PSD4: variants seen among roughly 807,000 people sequenced by gnomAD.
The protein encoded by PSD4 is PH and SEC7 domain-containing protein 4.
In PSD4, 59 loss-of-function variants were observed where a neutral mutation model predicts 112.5. The observed-to-expected ratio is 0.52, with a 90% CI of 0.43 to 0.65. The LOEUF (loss-of-function observed/expected upper bound fraction) is 0.65. Among genes scored for constraint, PSD4 ranks in the 30% least tolerant of loss-of-function variants. PSD4 has a pLI of 0.00. For missense variants in PSD4, 1,267 were observed against 1,352.6 expected (o/e 0.94, Z 0.99); for synonymous variants, 533 against 540.0 (o/e 0.99, Z 0.18).
intron 12 of PSD4, chr2:113,197,121 T>TA (rs1202722238): frequency 3.9e-6 from 1 of 255,100 alleles, no homozygotes; most frequent in African/African-American, 2.3e-5. Context: ...CAGAGTGGGG[T>TA]ACACAGGGAA....
chr2:113,199,116 G>T lies in PSD4; in HGVS notation c.2803G>T (p.Asp935Tyr), dbSNP rs1414133155. The change falls in exon 16 of 17, where the codon GAC becomes TAC. Residue 935 changes from aspartate to tyrosine, a missense_variant. Coordinates refer to ENST00000245796, the MANE Select transcript of PSD4 (RefSeq NM_012455.3). ...GCATCGATCCCACGAGAACTGCCTG[G>T]ACGCTGCCGCGGACGACCTGCTGGA... ...EQHRSHENCLDAAADDLLDLQ... is the reference protein window; with the variant it reads ...EQHRSHENCLYAAADDLLDLQ... 6.5e-7 allele frequency: 1 copy of T among 1,531,770 alleles called. No individual in the cohort carries two copies. Among genetic ancestry groups the T allele is most frequent in the Non-Finnish European group, 8.8e-7 (1 of 1,141,238 alleles). The allele number at this position is 1,531,770 out of a possible 1,614,324, so 94.9% of individuals were successfully genotyped here.
Position 113,207,392 on chromosome 2 carries a change from AG to A in PSD4, c.*5978del, listed in dbSNP as rs1299130488. ...CCTTTCCTCCAAGAGGCCTTCCCTA[AG>A]TCTTCCTCCTTCAGTTTCTATTACA... On this transcript the variant is annotated 3_prime_UTR_variant, in exon 17 of 17. Coordinates refer to ENST00000245796, the MANE Select transcript of PSD4 (RefSeq NM_012455.3). 1 of 151,062 alleles carries A rather than the reference AG, an allele frequency of 6.6e-6. No individual in the cohort carries two copies. The highest frequency in any genetic ancestry group is 1.5e-5 in the Non-Finnish European group (1 of 67,924). 9.4% of individuals were successfully genotyped at this position (151,062 alleles called of 1,614,324 possible).
intron 16 of PSD4, among the ~76,000 whole-genome samples, chr2:113,200,185 A>T (rs959833330): frequency 6.6e-6 from 1 of 152,018 alleles, no homozygotes; most frequent in South Asian, 2.1e-4. Flanking sequence ...AGTCTCCCCC[A>T]ACCCTCACCC....
rs4849167 is a variant in PSD4, at chr2:113,183,262, G to T, written c.806G>T (p.Gly269Val). 1.3e-5 allele frequency: 21 copies of T among 1,613,846 alleles called. No homozygotes were observed. In the East Asian group the frequency reaches 4.0e-4, roughly 31 times the overall value. ...NSASGECFSW[G>V]ASDSHAGVRT... Reference sequence around the variant, plus strand: ...GCTTCTGGAGAGTGCTTTTCCTGGGGGGCTTCAGACTCCCATGCAGGTGTG... The same window carrying T: ...GCTTCTGGAGAGTGCTTTTCCTGGGTGGCTTCAGACTCCCATGCAGGTGTG... The change falls in exon 2 of 17, where the codon GGG (glycine) becomes GTG (valine). Residue 269 changes from glycine to valine, a missense_variant. Around this residue, in one of 2 missense-constraint regions of PSD4, gnomAD observed 723 missense variants for 704.0 expected, o/e 1.03. Coordinates refer to ENST00000245796, the MANE Select transcript of PSD4 (RefSeq NM_012455.3).
At chr2:113,175,781 A>G (rs1408676611) in intron 1 of PSD4, among the ~76,000 whole-genome samples, 1 of 152,202 alleles carries the variant, frequency 6.6e-6, no homozygotes, top group East Asian at 1.9e-4. Context: ...CAGGAGGGCT[A>G]TTTGTTTGTT....
rs1432499411 is a variant in PSD4, at chr2:113,198,514, C to T, written c.2625-226C>T. On this transcript the variant is annotated intron_variant, in intron 14 of 16. Transcript: ENST00000245796. ...CTCGAACTCCTGACCTCAGGTGATC[C>T]GCCTGCCAAGGCGTTGCCACCGCAC... 4 of 451,006 alleles carry T rather than the reference C, an allele frequency of 8.9e-6. No homozygotes were observed. In the East Asian group the frequency reaches 1.4e-4, roughly 16 times the overall value. 27.9% of individuals were successfully genotyped at this position (451,006 alleles called of 1,614,324 possible).
chr2:113,183,794 C>T (rs191370885), intron 2 of PSD4, among the ~76,000 whole-genome samples: 42 of 152,316 alleles, frequency 2.8e-4, no homozygotes, highest in Admixed American at 4.6e-4. Flanking sequence ...TGCCTAGATA[C>T]GTTTGGAGAA....
Position 113,197,605 on chromosome 2 carries a change from C to T in PSD4, c.2428C>T (p.Leu810=), listed in dbSNP as rs1338812509. The stretch of plus-strand genomic sequence containing the variant: ...TGGCTGGAAGATGTTCCACACCTTA[C>T]TGCGAGGGATGGTTCTCTACTTCCT... ...KRGWKMFHTL[L]RGMVLYFLKQ... Residue 810 remains leucine (L), a synonymous_variant, in exon 13 of 17, where the codon CTG becomes TTG. Coordinates refer to ENST00000245796, the MANE Select transcript of PSD4 (RefSeq NM_012455.3). 6.2e-7 allele frequency: 1 copy of T among 1,614,218 alleles called. No homozygotes were observed. Among genetic ancestry groups the T allele is most frequent in the Admixed American group, 1.7e-5 (1 of 60,026 alleles).
At position 113,205,193 on chromosome 2, in the gene PSD4, C is replaced by T. The variant is rs932260979; in HGVS notation, c.*3778C>T. 6 of 150,970 alleles carry T rather than the reference C, an allele frequency of 4.0e-5. No individual in the cohort carries two copies. Among genetic ancestry groups the T allele is most frequent in the Admixed American group, 2.0e-4 (3 of 15,084 alleles). 9.4% of individuals were successfully genotyped at this position (150,970 alleles called of 1,614,324 possible). Reference sequence around the variant, plus strand: ...ATGTTGGTCAGGCTGGTCTCAAACTCCTGACCTCAAGTGATCCAGCTGCCT... The same window carrying T: ...ATGTTGGTCAGGCTGGTCTCAAACTTCTGACCTCAAGTGATCCAGCTGCCT... On this transcript the variant is annotated 3_prime_UTR_variant, in exon 17 of 17. Coordinates refer to ENST00000245796, the MANE Select transcript of PSD4 (RefSeq NM_012455.3).
rs561114701 is a variant in PSD4, at chr2:113,190,810, A to G, written c.1629-1570A>G. Among the ~76,000 whole-genome samples, 27 of 152,346 alleles carry G rather than the reference A, an allele frequency of 1.8e-4. 2 individuals carry two copies. The highest frequency in any genetic ancestry group is 6.5e-4 in the African/African-American group (27 of 41,580). On this transcript the variant is annotated intron_variant, in intron 5 of 16. Transcript: ENST00000245796. ...TACTGTGAAAATCAAGGATGAATGC[A>G]AGATGTCTTATCCAGCCAGAAAACT...
intron 2 of PSD4, among the ~76,000 whole-genome samples, chr2:113,184,469 G>C (rs1688235687): frequency 6.6e-6 from 1 of 150,938 alleles, no homozygotes; most frequent in African/African-American, 2.4e-5. Flanking sequence ...CACCTCCCAG[G>C]TTCAAGCGAT....
chr2:113,181,202 C>A (rs1487524280), intron 1 of PSD4, among the ~76,000 whole-genome samples: 1 of 148,862 alleles, frequency 6.7e-6, no homozygotes, highest in African/African-American at 2.5e-5. Context: ...CACTCCAACC[C>A]GGGTGACAGA....
rs1688768334 is a variant in PSD4 at position 113,201,197 on chromosome 2, C to T, written c.2953C>T (p.Arg985Cys). ...GACCTACGTGCAGCTGCTGGTGGCC[C>T]GCCTGCACTGCCCCTCTGATGCTCT... ...YETYVQLLVA[R>C]LHCPSDALDL... Residue 985 changes from arginine to cysteine, a missense_variant, in exon 17 of 17, where the codon CGC becomes TGC. Arg to Cys is a radical substitution (Grantham distance 180). Coordinates refer to ENST00000245796, the MANE Select transcript of PSD4 (RefSeq NM_012455.3). 1 of 1,613,826 alleles carries T rather than the reference C, an allele frequency of 6.2e-7. No individual in the cohort carries two copies. The highest frequency in any genetic ancestry group is 8.5e-7 in the Non-Finnish European group (1 of 1,179,816).
intron 5 of PSD4, among the ~76,000 whole-genome samples, chr2:113,190,773 C>G (rs1688421689): frequency 6.6e-6 from 1 of 152,196 alleles, no homozygotes; most frequent in South Asian, 2.1e-4. Context: ...TTTTTAATGG[C>G]CTTTATGATC....
At position 113,199,911 on chromosome 2, in the gene PSD4, C is replaced by T. The variant is rs45617838; in HGVS notation, c.2913+685C>T. Reference sequence around the variant, plus strand: ...CTCGATCTCAGCTCCCTGCAACCTCCGCCTCCCAGGTTCAAGCGATTCTCC... The same window carrying T: ...CTCGATCTCAGCTCCCTGCAACCTCTGCCTCCCAGGTTCAAGCGATTCTCC... On this transcript the variant is annotated intron_variant, in intron 16 of 16. Coordinates refer to ENST00000245796, the MANE Select transcript of PSD4 (RefSeq NM_012455.3). Among the ~76,000 whole-genome samples the T allele has an allele frequency of 9.6e-3, 1,463 of 152,216 alleles. 28 individuals carry two copies. Among genetic ancestry groups the T allele is most frequent in the African/African-American group, 0.033 (1,364 of 41,522 alleles).
intron 3 of PSD4, 74 bp from the exon 4 acceptor site, chr2:113,185,291 C>T: frequency 1.9e-6 from 3 of 1,590,052 alleles, no homozygotes; most frequent in Non-Finnish European, 2.6e-6. Context: ...TCCCCTTCTC[C>T]CTGCCTGGCC....
intron 1 of PSD4, among the ~76,000 whole-genome samples, chr2:113,179,526 G>T (rs1363029310): frequency 6.6e-6 from 1 of 152,206 alleles, no homozygotes; most frequent in East Asian, 1.9e-4. Flanking sequence ...TATTAGCAAA[G>T]TAAAAGAATA....
chr2:113,177,050 C>T (rs1467483298), intron 1 of PSD4, among the ~76,000 whole-genome samples: 1 of 152,208 alleles, frequency 6.6e-6, no homozygotes, highest in Non-Finnish European at 1.5e-5. Flanking sequence ...ATGGAGAGCA[C>T]AAACAAGACA....
intron 16 of PSD4, among the ~76,000 whole-genome samples, chr2:113,199,470 G>A (rs1688715567): frequency 1.3e-5 from 2 of 152,252 alleles, no homozygotes; most frequent in African/African-American, 4.8e-5. Context: ...CTCTCGTCCT[G>A]GGGGCACATA....
Sources: allele counts gnomAD v4.1 joint callset (sites outside exome capture counted in the v4.1 genomes callset), GRCh38; gene constraint gnomAD v4.1.1; regional missense constraint gnomAD v4.1.1; transcripts MANE v1.5; gene names NCBI Gene and HGNC (gene_info 2026-07-23, HGNC 2026-07-21).